The following AGBL4 variants were observed in gnomAD, a reference collection of about 807,000 sequenced individuals.
The protein encoded by AGBL4 is AGBL carboxypeptidase 4, also known as cytosolic carboxypeptidase 6.
Under a neutral mutation model 66.4 loss-of-function variants are expected in AGBL4, and 58 were observed. The observed-to-expected ratio is 0.87, with a 90% CI of 0.71 to 1.09. AGBL4 has a LOEUF of 1.09. AGBL4 is among the 50% of genes least tolerant of loss of function. The pLI is 0.00. For synonymous variants in AGBL4, 234 were observed against 222.9 expected, an observed-to-expected ratio of 1.05 and a Z score of -0.44; for missense variants, 579 against 631.0, an observed-to-expected ratio of 0.92 and a Z score of 0.88.
intron 4 of AGBL4, among the ~76,000 whole-genome samples, chr1:49,213,848 C>G: frequency 6.6e-6 from 1 of 152,036 alleles, no homozygotes; most frequent in East Asian, 1.9e-4. Flanking sequence ...AGCTCTGCAT[C>G]CTGAGGTATT....
chr1:49,520,208 T>C (rs1422254100), intron 3 of AGBL4, among the ~76,000 whole-genome samples: 1 of 152,064 alleles, frequency 6.6e-6, no homozygotes, highest in Admixed American at 6.5e-5. Flanking sequence ...CTTCCTCCTC[T>C]GGTTATGCTT....
At chr1:48,650,145 G>A (rs951004751) in intron 8 of AGBL4, among the ~76,000 whole-genome samples, 5 of 152,242 alleles carry the variant, frequency 3.3e-5, no homozygotes, top group Non-Finnish European at 5.9e-5. Flanking sequence ...TCCTCCCAGG[G>A]TCTGGCAGGC....
At chr1:48,842,921 A>C (rs1343976413) in intron 6 of AGBL4, among the ~76,000 whole-genome samples, 2 of 152,212 alleles carry the variant, frequency 1.3e-5, no homozygotes, top group African/African-American at 4.8e-5. Context: ...CTAGCCACAA[A>C]AAAGAAAATA....
chr1:48,654,857 T>A (rs948429982), intron 7 of AGBL4, among the ~76,000 whole-genome samples: 1 of 152,246 alleles, frequency 6.6e-6, no homozygotes, highest in Admixed American at 6.5e-5. Context: ...GTAGACCAGA[T>A]GCCCTAATTT....
intron 5 of AGBL4, among the ~76,000 whole-genome samples, chr1:48,982,650 C>T (rs546430039): frequency 1.9e-4 from 29 of 152,052 alleles, no homozygotes; most frequent in African/African-American, 6.5e-4. Flanking sequence ...TGGATAGTGC[C>T]GCAATAAACA....
chr1:49,009,917 A>G (rs1010412108), intron 5 of AGBL4, among the ~76,000 whole-genome samples: 7 of 151,770 alleles, frequency 4.6e-5, no homozygotes, highest in African/African-American at 1.7e-4. Flanking sequence ...CCCACAGCCA[A>G]TATCATACTG....
At chr1:49,025,586 C>T (rs950011180) in intron 5 of AGBL4, 7 of 152,064 alleles carry the variant, frequency 4.6e-5, no homozygotes, top group African/African-American at 1.7e-4. Context: ...TGCCTTGTGA[C>T]CTAATGTTAT....
chr1:49,386,626 A>G (rs1320694903), intron 3 of AGBL4, among the ~76,000 whole-genome samples: 1 of 151,970 alleles, frequency 6.6e-6, no homozygotes, highest in East Asian at 1.9e-4. Context: ...GTAAAATAAA[A>G]CACATATATC....
Position 49,503,708 on chromosome 1 carries a change from T to G in AGBL4, c.282+193605A>C, listed in dbSNP as rs12060695. 4.4e-3 allele frequency among the ~76,000 whole-genome samples: 665 copies of G among 152,280 alleles called. 7 individuals carry two copies. The highest frequency in any genetic ancestry group is 0.015 in the African/African-American group (623 of 41,574). ...GGTTTACTTACTGCCCTATTGTATTTTGGACTTGCATGGGGCCTATGGCCC... is the reference window on the plus strand; with the variant it reads ...GGTTTACTTACTGCCCTATTGTATTGTGGACTTGCATGGGGCCTATGGCCC... On this transcript the variant is annotated intron_variant, in intron 3 of 13. Transcript: ENST00000371839.
At chr1:49,218,589 T>C (rs188504810) in intron 4 of AGBL4, among the ~76,000 whole-genome samples, 3 of 152,258 alleles carry the variant, frequency 2.0e-5, no homozygotes, top group Admixed American at 1.3e-4. Context: ...GTAGTCTTTA[T>C]ATTGTCTCAC....
At position 48,644,972 on chromosome 1, in the gene AGBL4, C is replaced by T. The variant is rs952526426; in HGVS notation, c.839+8365G>A. Among the ~76,000 whole-genome samples, 6 of 152,326 alleles carry T rather than the reference C, an allele frequency of 3.9e-5. No individual in the cohort carries two copies. The East Asian group carries it at 7.7e-4, about 20-fold the overall frequency. On this transcript the variant is annotated intron_variant, in intron 8 of 13. Coordinates refer to ENST00000371839, the MANE Select transcript of AGBL4 (RefSeq NM_032785.4). ...TACTGTCTCCTCAGAGGCCTGTCTTCACTGTAGAATCAATTATTAAGATCA... is the reference window on the plus strand; with the variant it reads ...TACTGTCTCCTCAGAGGCCTGTCTTTACTGTAGAATCAATTATTAAGATCA...
In AGBL4 at chr1:49,601,910, C is replaced by T. The variant is rs150845957; in HGVS notation, c.282+95403G>A. ...CAAAAGAAACTATCACTGGAGTGAACAGGCAACCTACAGAATGGAAGAAAA... is the reference window on the plus strand; with the variant it reads ...CAAAAGAAACTATCACTGGAGTGAATAGGCAACCTACAGAATGGAAGAAAA... On this transcript the variant is annotated intron_variant, in intron 3 of 13. Transcript: ENST00000371839. Among the ~76,000 whole-genome samples the T allele has an allele frequency of 3.7e-3, 564 of 152,242 alleles. 2 individuals carry two copies. The highest frequency in any genetic ancestry group is 6.3e-3 in the Non-Finnish European group (430 of 68,016).
intron 9 of AGBL4, among the ~76,000 whole-genome samples, chr1:48,593,700 G>A (rs533038491): frequency 2.9e-4 from 44 of 152,178 alleles, no homozygotes; most frequent in Non-Finnish European, 5.9e-4. Flanking sequence ...GCAGTGAGCC[G>A]AGATCACGCC....
In AGBL4 at chr1:49,599,688, C is replaced by A. The variant is rs571245713; in HGVS notation, c.282+97625G>T. ...TTTGTTTGTTCTTGCTTCTCTAGTT[C>A]TTTTAATTGTGATGTTAAGGTGTTT... On this transcript the variant is annotated intron_variant, in intron 3 of 13. Coordinates refer to ENST00000371839, the MANE Select transcript of AGBL4 (RefSeq NM_032785.4). 2.6e-5 allele frequency among the ~76,000 whole-genome samples: 4 copies of A among 152,190 alleles called. No individual in the cohort carries two copies. In the South Asian group the frequency reaches 6.2e-4, roughly 24 times the overall value.
chr1:48,792,377 G>T (rs569444481), intron 6 of AGBL4, among the ~76,000 whole-genome samples: 1 of 152,312 alleles, frequency 6.6e-6, no homozygotes, highest in Non-Finnish European at 1.5e-5. Context: ...GTTGTTTTAA[G>T]TGACCCAGTT....
chr1:49,465,210 T>C (rs926430140), intron 3 of AGBL4, among the ~76,000 whole-genome samples: 117 of 116,766 alleles, frequency 1.0e-3, no homozygotes, highest in South Asian at 2.1e-3. Context: ...TACCCCTACA[T>C]ACACACACAC....
intron 3 of AGBL4, among the ~76,000 whole-genome samples, chr1:49,427,899 C>T (rs2148652707): frequency 6.6e-6 from 1 of 152,258 alleles, no homozygotes; most frequent in African/African-American, 2.4e-5. Flanking sequence ...GGTGCATTTA[C>T]AAACCTTTAG....
intron 5 of AGBL4, among the ~76,000 whole-genome samples, chr1:48,880,749 C>CT (rs1649700814): frequency 6.6e-6 from 1 of 151,990 alleles, no homozygotes; most frequent in Non-Finnish European, 1.5e-5. Flanking sequence ...TTTTTCCATG[C>CT]TTTTTTCTAG....
chr1:49,213,037 T>G (rs1648795525), intron 4 of AGBL4, among the ~76,000 whole-genome samples: 1 of 152,172 alleles, frequency 6.6e-6, no homozygotes, highest in South Asian at 2.1e-4. Flanking sequence ...ATTTCATTTA[T>G]TCTTTTAAAC....
Sources: gnomAD v4.1 joint callset for allele counts (sites outside exome capture counted in the v4.1 genomes callset) on GRCh38, gnomAD v4.1.1 for gene constraint, MANE v1.5 for transcripts, NCBI Gene and HGNC (gene_info 2026-07-23, HGNC 2026-07-21) for gene names.